Variants in ZNF469 observed in about 807,000 individuals in gnomAD.
ZNF469 encodes zinc finger protein 469.
In ZNF469, 1 loss-of-function variant was observed where a neutral mutation model predicts 1.0. The ratio of observed to expected loss-of-function variants is 1.00; its 90% CI spans 0.35 to 4.73. The LOEUF is 4.73. ZNF469 is among the 30% of genes most tolerant of loss of function. The probability of loss-of-function intolerance (pLI) is 0.16; values close to 1 mark genes in which losing one functional copy is unlikely to be tolerated. For synonymous variants in ZNF469, 2,703 were observed against 2,363.4 expected, an observed-to-expected ratio of 1.14 and a Z score of -4.17; for missense variants, 6,100 against 5,356.3, an observed-to-expected ratio of 1.14 and a Z score of -4.33.
chr16:88,210,839 C>A, the ZNF469 span, among the ~76,000 whole-genome samples: 1 of 152,210 alleles, frequency 6.6e-6, no homozygotes, highest in Non-Finnish European at 1.5e-5. Context: ...TGTTTTAATG[C>A]CTGGTAAAGC....
rs1567516534 is a variant in ZNF469, at chr16:88,437,420, C to T, written c.9950C>T (p.Ala3317Val). ...CCCAGCCCGTCCCCCGACCCCTGGG[C>T]CGGCGGGGAGCCCCTCCTGCAAGCC... Reference protein sequence around the residue: ...TTPSPSPDPWAGGEPLLQATP... With the variant: ...TTPSPSPDPWVGGEPLLQATP... Residue 3317 changes from alanine (A) to valine (V), a missense_variant, in exon 3 of 3, where the codon GCC becomes GTC. By Grantham distance (64) the Ala-to-Val change is moderately conservative. Transcript: ENST00000565624. The T allele has an allele frequency of 5.9e-6, 9 of 1,522,214 alleles. No individual in the cohort carries two copies. The East Asian group carries it at 7.6e-5, about 13-fold the overall frequency. The allele number at this position is 1,522,214 out of a possible 1,614,324, so 94.3% of individuals were successfully genotyped here.
the ZNF469 span, among the ~76,000 whole-genome samples, chr16:88,346,100 T>A: frequency 6.6e-6 from 1 of 152,230 alleles, no homozygotes; most frequent in Admixed American, 6.5e-5. Context: ...CCGAGAGCAT[T>A]ACAAAAGAAT....
chr16:88,134,346 C>T, the ZNF469 span, among the ~76,000 whole-genome samples: 11 of 152,320 alleles, frequency 7.2e-5, no homozygotes, highest in East Asian at 5.8e-4. Context: ...TTACGAACCA[C>T]GTGCTGTGTG....
At chr16:88,357,133 G>C in the ZNF469 span, among the ~76,000 whole-genome samples, 2 of 152,228 alleles carry the variant, frequency 1.3e-5, no homozygotes, top group African/African-American at 4.8e-5. Context: ...TTGGAGGTTG[G>C]TGGTCTCCCT....
chr16:88,366,632 C>A, the ZNF469 span, among the ~76,000 whole-genome samples: 3 of 45,770 alleles, frequency 6.6e-5, no homozygotes, highest in Admixed American at 2.6e-4. Flanking sequence ...ACTATCAGCA[C>A]CATCACCATC....
chr16:88,203,022 T>G, the ZNF469 span, among the ~76,000 whole-genome samples: 17 of 151,692 alleles, frequency 1.1e-4, no homozygotes, highest in Non-Finnish European at 2.4e-4. Flanking sequence ...GTCACAACCG[T>G]AGGGAGAGTG....
At chr16:88,227,498 G>A in the ZNF469 span, among the ~76,000 whole-genome samples, 31 of 141,146 alleles carry the variant, frequency 2.2e-4, 1 homozygote, top group South Asian at 4.5e-4. Context: ...CTGTGTCCCC[G>A]TCTCCCCATC....
the ZNF469 span, among the ~76,000 whole-genome samples, chr16:88,167,168 T>C: frequency 6.6e-6 from 1 of 151,552 alleles, no homozygotes; most frequent in South Asian, 2.1e-4. Flanking sequence ...TTCAAGCGAT[T>C]CTCCTGCCTC....
At chr16:88,317,432 C>G in the ZNF469 span, among the ~76,000 whole-genome samples, 1 of 152,180 alleles carries the variant, frequency 6.6e-6, no homozygotes, top group Admixed American at 6.5e-5. Context: ...GGTGGAGCCT[C>G]GGAACCTGGC....
chr16:88,207,849 C>T, the ZNF469 span, among the ~76,000 whole-genome samples: 38 of 151,922 alleles, frequency 2.5e-4, no homozygotes, highest in Non-Finnish European at 2.9e-5. Context: ...AGCCACATCA[C>T]CTCCACATCT....
the ZNF469 span, among the ~76,000 whole-genome samples, chr16:88,129,295 C>T: frequency 2.0e-5 from 3 of 152,174 alleles, no homozygotes; most frequent in Admixed American, 2.0e-4. Flanking sequence ...TCTGGTGAGC[C>T]ATCACGGCAG....
chr16:88,196,942 G>T, the ZNF469 span, among the ~76,000 whole-genome samples: 1 of 152,186 alleles, frequency 6.6e-6, no homozygotes, highest in Non-Finnish European at 1.5e-5. Context: ...CTTGGGAGGG[G>T]TGACTTGCTC....
intron 1 of ZNF469, among the ~76,000 whole-genome samples, chr16:88,398,187 G>T (rs1237348399): frequency 6.6e-6 from 1 of 152,264 alleles, no homozygotes; most frequent in East Asian, 1.9e-4. Context: ...TAGAGTGGCA[G>T]GTGGGGCTGT....
chr16:88,261,476 C>T, the ZNF469 span, among the ~76,000 whole-genome samples: 1 of 152,210 alleles, frequency 6.6e-6, no homozygotes, highest in Non-Finnish European at 1.5e-5. This position sits in a 1 kb window ranked among gnomAD's most constrained non-coding sequence, Gnocchi z 6.0. Flanking sequence ...TGTCTGATGT[C>T]ACACCTGGCC....
At chr16:88,131,834 C>T in the ZNF469 span, among the ~76,000 whole-genome samples, 8 of 152,122 alleles carry the variant, frequency 5.3e-5, no homozygotes, top group East Asian at 1.2e-3. Context: ...TTGGGGTCAG[C>T]TCTGTGACCT....
the ZNF469 span, among the ~76,000 whole-genome samples, chr16:88,243,951 T>TAA: frequency 7.4e-4 from 89 of 120,760 alleles, 2 homozygotes; most frequent in Admixed American, 9.2e-4. Flanking sequence ...TATATATATA[T>TAA]AAATGTATGT....
chr16:88,242,642 G>A, the ZNF469 span, among the ~76,000 whole-genome samples: 1 of 152,244 alleles, frequency 6.6e-6, no homozygotes, highest in Admixed American at 6.5e-5. Flanking sequence ...GCAGATGGGA[G>A]GAAGCTCCAG....
chr16:88,435,803 G>A lies in ZNF469; in HGVS notation c.8333G>A (p.Ser2778Asn). The A allele has an allele frequency of 6.4e-7, 1 of 1,550,582 alleles. No individual in the cohort carries two copies. The highest frequency in any genetic ancestry group is 8.7e-7 in the Non-Finnish European group (1 of 1,146,950). Residue 2778 changes from serine to asparagine, a missense_variant, in exon 3 of 3, where the codon AGC (serine) becomes AAC (asparagine). Physicochemically the swap from Ser to Asn is conservative, Grantham distance 46. Coordinates refer to ENST00000565624, the MANE Select transcript of ZNF469 (RefSeq NM_001367624.2). ...TCTGGGAGCGAGCCTGCGGAGGACA[G>A]CAGCAGGGCCCACAGCCGATCAGAG... ...KESGSEPAEDSSRAHSRSEEG... is the reference protein window; with the variant it reads ...KESGSEPAEDNSRAHSRSEEG...
the ZNF469 span, among the ~76,000 whole-genome samples, chr16:88,183,526 C>G: frequency 1.3e-5 from 2 of 152,316 alleles, no homozygotes; most frequent in Non-Finnish European, 2.9e-5. Flanking sequence ...AAGCCAGACA[C>G]AAAAGTCTCC....
Sources: gnomAD v4.1 joint callset for allele counts (sites outside exome capture counted in the v4.1 genomes callset) on GRCh38, gnomAD v4.1.1 for gene constraint, Gnocchi (gnomAD v3.1) non-coding constraint, MANE v1.5 for transcripts, NCBI Gene and HGNC (gene_info 2026-07-23, HGNC 2026-07-21) for gene names.